Variants in DUSP14 observed in about 807,000 individuals in gnomAD.
DUSP14 encodes dual specificity phosphatase 14, also known as dual specificity protein phosphatase 14.
In DUSP14, 5 loss-of-function variants were observed where a neutral mutation model predicts 13.2. The ratio of observed to expected loss-of-function variants is 0.38; its 90% confidence interval spans 0.20 to 0.80. The LOEUF is 0.80. Ranked by LOEUF, DUSP14 falls within the 30% of genes least tolerant of loss-of-function variation. DUSP14 has a pLI of 0.44. For synonymous variants in DUSP14, 91 were observed against 103.4 expected (o/e 0.88, Z 0.73); for missense variants, 185 against 264.0 (o/e 0.70, Z 2.07).
chr17:37,510,490 C>G (rs1480165204), intron 1 of DUSP14, 187 bp from the exon 2 acceptor site: 1 of 152,188 alleles, frequency 6.6e-6, no homozygotes, highest in Non-Finnish European at 1.5e-5. Context: ...GTGTCAGTAA[C>G]AAAAAGCTGA....
chr17:37,499,724 T>G (rs1316625540), intron 1 of DUSP14, among the ~76,000 whole-genome samples: 1 of 151,924 alleles, frequency 6.6e-6, no homozygotes, highest in Non-Finnish European at 1.5e-5. Flanking sequence ...GAGACGGGGT[T>G]TCACCATGTT....
At chr17:37,493,921 C>A (rs1568198805) in intron 1 of DUSP14, among the ~76,000 whole-genome samples, 1 of 152,136 alleles carries the variant, frequency 6.6e-6, no homozygotes, top group African/African-American at 2.4e-5. Flanking sequence ...GTGCACAGAC[C>A]CTAACTCATA....
chr17:37,498,777 TTAA>T (rs561090173), intron 1 of DUSP14, among the ~76,000 whole-genome samples: 79 of 152,228 alleles, frequency 5.2e-4, no homozygotes, highest in Non-Finnish European at 1.0e-3. Context: ...CAGATTACTC[TTAA>T]TAATATTTTT....
chr17:37,503,296 A>G (rs534388055), intron 1 of DUSP14, among the ~76,000 whole-genome samples: 60 of 152,292 alleles, frequency 3.9e-4, no homozygotes, highest in Middle Eastern at 3.4e-3. Flanking sequence ...ATGGTGGCGC[A>G]CACCTGTGGT....
chr17:37,509,270 TA>T (rs1568204685), intron 1 of DUSP14, among the ~76,000 whole-genome samples: 3 of 24,894 alleles, frequency 1.2e-4, no homozygotes, highest in East Asian at 7.6e-3. Flanking sequence ...TATATATATA[TA>T]TATATATATA....
intron 1 of DUSP14, among the ~76,000 whole-genome samples, chr17:37,498,530 G>C (rs2054082262): frequency 6.6e-6 from 1 of 151,750 alleles, no homozygotes; most frequent in Non-Finnish European, 1.5e-5. Context: ...GTTTCACCGT[G>C]TTAGCCAGGA....
chr17:37,498,314 C>CTTTTTTTTTTTTTT (rs765033929), intron 1 of DUSP14, among the ~76,000 whole-genome samples: 4 of 70,576 alleles, frequency 5.7e-5, no homozygotes, highest in African/African-American at 2.4e-4. Flanking sequence ...TAGATTGTAT[C>CTTTTTTTTTTTTTT]TTTTTTTTTT....
intron 1 of DUSP14, among the ~76,000 whole-genome samples, chr17:37,502,189 GT>G (rs553618730): frequency 1.8e-3 from 260 of 148,310 alleles, no homozygotes; most frequent in Non-Finnish European, 2.8e-3. Context: ...ACAAGTCCCT[GT>G]TTTTTTTTTA....
At chr17:37,511,939 T>C (rs1387901275) in intron 2 of DUSP14, among the ~76,000 whole-genome samples, 2 of 31,296 alleles carry the variant, frequency 6.4e-5, no homozygotes, top group Admixed American at 2.8e-4. Flanking sequence ...CCCACCCCAC[T>C]TTTTTTTTTT....
chr17:37,490,838 G>C (rs1340268049), intron 1 of DUSP14, among the ~76,000 whole-genome samples: 1 of 152,068 alleles, frequency 6.6e-6, no homozygotes, highest in African/African-American at 2.4e-5. Flanking sequence ...TTTTACAGAT[G>C]TAAAAACGGA....
At chr17:37,493,240 G>T (rs1266516621) in intron 1 of DUSP14, among the ~76,000 whole-genome samples, 1 of 152,090 alleles carries the variant, frequency 6.6e-6, no homozygotes, top group Non-Finnish European at 1.5e-5. Flanking sequence ...TGGGATTACA[G>T]GTGTGAGCCA....
intron 1 of DUSP14, among the ~76,000 whole-genome samples, chr17:37,502,301 C>G (rs2054110422): frequency 6.6e-6 from 1 of 152,018 alleles, no homozygotes; most frequent in Admixed American, 6.6e-5. Flanking sequence ...TCTGCCTCTG[C>G]CTGCCATGTA....
At chr17:37,489,727 G>T (rs562401216), upstream of DUSP14, 6 of 151,160 alleles carry the variant, frequency 4.0e-5, no homozygotes, top group African/African-American at 1.4e-4. Context: ...GCACGGCGCA[G>T]AAGCCCAGCG....
chr17:37,506,980 G>A (rs1007012005), intron 1 of DUSP14, among the ~76,000 whole-genome samples: 2 of 152,210 alleles, frequency 1.3e-5, no homozygotes, highest in Non-Finnish European at 2.9e-5. Flanking sequence ...GTGGAGCGCC[G>A]CGAGGCAGGT....
chr17:37,499,924 A>G (rs988479308), intron 1 of DUSP14, among the ~76,000 whole-genome samples: 14 of 152,236 alleles, frequency 9.2e-5, no homozygotes, highest in African/African-American at 2.4e-4. Context: ...AGTTAAAGCC[A>G]AGGGAATAAC....
intron 1 of DUSP14, chr17:37,510,004 CATAAAT>C (rs1334581557): frequency 6.6e-6 from 1 of 152,112 alleles, no homozygotes; most frequent in Non-Finnish European, 1.5e-5. Context: ...ACTTACATAA[CATAAAT>C]GAATAAAATA....
At chr17:37,509,282 T>G (rs2054165727) in intron 1 of DUSP14, among the ~76,000 whole-genome samples, 1 of 33,016 alleles carries the variant, frequency 3.0e-5, no homozygotes, top group Non-Finnish European at 5.4e-5. Flanking sequence ...TATATATATA[T>G]ATATATATAT....
At chr17:37,489,818 C>A (rs1190060871), upstream of DUSP14, 1 of 146,334 alleles carries the variant, frequency 6.8e-6, no homozygotes, top group Non-Finnish European at 1.5e-5. Context: ...CGGCCAGGCG[C>A]AGGGAGCGTG....
intron 1 of DUSP14, among the ~76,000 whole-genome samples, chr17:37,503,261 T>TA (rs1358868752): frequency 3.9e-5 from 6 of 151,968 alleles, no homozygotes; most frequent in Non-Finnish European, 7.4e-5. Flanking sequence ...CCTGTCTCTA[T>TA]AAAAAATACA....
Sources: allele counts gnomAD v4.1 joint callset (sites outside exome capture counted in the v4.1 genomes callset), GRCh38; gene constraint gnomAD v4.1.1; transcripts MANE v1.5; gene names NCBI Gene and HGNC (gene_info 2026-07-23, HGNC 2026-07-21).